BAIAP2L1: variants seen among roughly 807,000 people sequenced by gnomAD.
The protein encoded by BAIAP2L1 is BAR/IMD domain containing adaptor protein 2 like 1.
BAIAP2L1 carries 35 observed loss-of-function variants against 66.3 expected under a neutral mutation model. The ratio of observed to expected loss-of-function variants is 0.53; its 90% confidence interval spans 0.40 to 0.70. The LOEUF is 0.70. Among genes scored for constraint, BAIAP2L1 ranks in the 30% least tolerant of loss-of-function variants. BAIAP2L1 has a pLI of 0.00. For synonymous variants in BAIAP2L1, 269 were observed against 248.7 expected (o/e 1.08, Z -0.77); for missense variants, 622 against 656.9 (o/e 0.95, Z 0.58).
At chr7:98,365,834 A>ATCT (rs1802378752) in intron 1 of BAIAP2L1, among the ~76,000 whole-genome samples, 1 of 152,154 alleles carries the variant, frequency 6.6e-6, no homozygotes, top group Admixed American at 6.6e-5. Context: ...TAGATGCAGT[A>ATCT]TCTTCTCCTG....
chr7:98,392,557 A>G (rs1352490849), intron 1 of BAIAP2L1, among the ~76,000 whole-genome samples: 1 of 152,148 alleles, frequency 6.6e-6, no homozygotes, highest in Non-Finnish European at 1.5e-5. Context: ...AGATCTGTGC[A>G]AAGCTTTGAC....
intron 12 of BAIAP2L1, among the ~76,000 whole-genome samples, chr7:98,300,235 C>T (rs1032758061): frequency 3.0e-5 from 4 of 134,020 alleles, no homozygotes; most frequent in African/African-American, 1.1e-4. Context: ...GGCTGTGAGG[C>T]CAGGAGGCCC....
chr7:98,334,266 CA>C (rs1801563935), intron 3 of BAIAP2L1, among the ~76,000 whole-genome samples: 1 of 152,150 alleles, frequency 6.6e-6, no homozygotes, highest in Non-Finnish European at 1.5e-5. Context: ...CTGAGTCACA[CA>C]GATCAGCATC....
At position 98,376,489 on chromosome 7, in the gene BAIAP2L1, C is replaced by A. The variant is rs1802633379; in HGVS notation, c.52-14057G>T. Among the ~76,000 whole-genome samples the A allele has an allele frequency of 2.0e-5, 3 of 151,650 alleles. No homozygotes were observed. In the South Asian group the frequency reaches 6.2e-4, roughly 32 times the overall value. On this transcript the variant is annotated intron_variant, in intron 1 of 13. Coordinates refer to ENST00000005260, the MANE Select transcript of BAIAP2L1 (RefSeq NM_018842.5). ...TCACACAACCATACTCCAACCTGAGCAAGGCAGAGGGAGACCTTGTCTCAA... is the reference window on the plus strand; with the variant it reads ...TCACACAACCATACTCCAACCTGAGAAAGGCAGAGGGAGACCTTGTCTCAA...
intron 1 of BAIAP2L1, among the ~76,000 whole-genome samples, chr7:98,379,030 C>T (rs1227681519): frequency 1.3e-5 from 2 of 151,998 alleles, no homozygotes; most frequent in South Asian, 2.1e-4. Flanking sequence ...TGGGTTTCAC[C>T]GTGTTAGCCA....
intron 9 of BAIAP2L1, chr7:98,308,217 T>A: frequency 1.9e-6 from 1 of 528,212 alleles, no homozygotes; most frequent in South Asian, 1.5e-5. Flanking sequence ...TGGCTCTTCT[T>A]AGAGAGACAA....
intron 1 of BAIAP2L1, among the ~76,000 whole-genome samples, chr7:98,396,327 C>T (rs992721191): frequency 6.6e-6 from 1 of 152,134 alleles, no homozygotes; most frequent in Non-Finnish European, 1.5e-5. Context: ...TCTTGACCCC[C>T]CAAAGTGCTG....
chr7:98,346,480 A>G (rs1801875573), intron 3 of BAIAP2L1, among the ~76,000 whole-genome samples: 2 of 152,218 alleles, frequency 1.3e-5, no homozygotes, highest in Admixed American at 1.3e-4. Context: ...TCCAATCAAA[A>G]TTCCAAGTGA....
Position 98,292,675 on chromosome 7 carries a change from G to C in BAIAP2L1, c.*846C>G, listed in dbSNP as rs746742760. On this transcript the variant is annotated 3_prime_UTR_variant, in exon 14 of 14. Coordinates refer to ENST00000005260, the MANE Select transcript of BAIAP2L1 (RefSeq NM_018842.5). ...CATCCTGGCTTTACACGTATCCTTT[G>C]AGAGTCTGTACCTGATTCAAACACG... 6.4e-7 allele frequency: 1 copy of C among 1,550,946 alleles called. No individual in the cohort carries two copies. Among genetic ancestry groups the C allele is most frequent in the South Asian group, 1.2e-5 (1 of 84,048 alleles).
intron 1 of BAIAP2L1, among the ~76,000 whole-genome samples, chr7:98,377,247 C>T (rs143163786): frequency 3.9e-5 from 6 of 152,174 alleles, no homozygotes; most frequent in East Asian, 1.9e-4. Flanking sequence ...ACATGGCTTA[C>T]GAGCTTCTGC....
intron 3 of BAIAP2L1, among the ~76,000 whole-genome samples, chr7:98,346,232 CA>C (rs2115656253): frequency 1.3e-5 from 2 of 152,136 alleles, no homozygotes; most frequent in African/African-American, 4.8e-5. Flanking sequence ...CTAAACAATT[CA>C]ATGGAACCAG....
Position 98,292,542 on chromosome 7 carries a change from G to A in BAIAP2L1, c.*979C>T. Reference sequence around the variant, plus strand: ...AGCCAAAGATGATTTCCAGCCCCGGGCTCAGGGCAGCCAGTGCGTAGTCCT... The same window carrying A: ...AGCCAAAGATGATTTCCAGCCCCGGACTCAGGGCAGCCAGTGCGTAGTCCT... On this transcript the variant is annotated 3_prime_UTR_variant, in exon 14 of 14. Coordinates refer to ENST00000005260, the MANE Select transcript of BAIAP2L1 (RefSeq NM_018842.5). 1 of 1,193,270 alleles carries A rather than the reference G, an allele frequency of 8.4e-7. No homozygotes were observed. 73.9% of individuals were successfully genotyped at this position (1,193,270 alleles called of 1,614,324 possible).
intron 3 of BAIAP2L1, among the ~76,000 whole-genome samples, chr7:98,334,273 G>T (rs1237872946): frequency 6.6e-6 from 1 of 152,132 alleles, no homozygotes; most frequent in African/African-American, 2.4e-5. Flanking sequence ...ACACAGATCA[G>T]CATCAGTGCA....
rs777859822 is a variant in BAIAP2L1 at position 98,312,106 on chromosome 7, T to C, written c.798A>G (p.Arg266=). The C allele has an allele frequency of 3.1e-6, 5 of 1,598,610 alleles. No individual in the cohort carries two copies. The South Asian group carries it at 5.7e-5, about 18-fold the overall frequency. The change falls in exon 8 of 14, where the codon AGA becomes AGG. Residue 266 remains arginine (R), a synonymous_variant. Transcript: ENST00000005260. ...GTPQASPMIE[R]SNVVRKDYDT... ...GAAAACTGGCTCCTACCACATTGCT[T>C]CTCTCGATCATGGGTGAAGCCTGAG... is the stretch of plus-strand genomic sequence containing the variant.
At chr7:98,308,668 A>G (rs944351191) in intron 9 of BAIAP2L1, 5 of 230,900 alleles carry the variant, frequency 2.2e-5, no homozygotes, top group African/African-American at 1.1e-4. Context: ...GTAGAAAAAA[A>G]TATATATATA....
chr7:98,389,313 G>A (rs561123244), intron 1 of BAIAP2L1, among the ~76,000 whole-genome samples: 34 of 151,926 alleles, frequency 2.2e-4, no homozygotes, highest in South Asian at 6.3e-4. Context: ...ACATTTGTTC[G>A]AGGCCTTATT....
chr7:98,336,696 T>A (rs779244222), intron 3 of BAIAP2L1, among the ~76,000 whole-genome samples: 1 of 152,274 alleles, frequency 6.6e-6, no homozygotes, highest in African/African-American at 2.4e-5. Context: ...ACTGCTTTCA[T>A]GATTTGCTCC....
At chr7:98,380,104 CT>C (rs1435792853) in intron 1 of BAIAP2L1, among the ~76,000 whole-genome samples, 1 of 147,854 alleles carries the variant, frequency 6.8e-6, no homozygotes, top group Non-Finnish European at 1.5e-5. Context: ...GAGATAGGGA[CT>C]CTCACTCTGT....
At chr7:98,336,820 C>T (rs1203960783) in intron 3 of BAIAP2L1, among the ~76,000 whole-genome samples, 1 of 152,020 alleles carries the variant, frequency 6.6e-6, no homozygotes, top group African/African-American at 2.4e-5. Flanking sequence ...CTGGAAAGGC[C>T]TAAGGTTGAG....
Sources: gnomAD v4.1 joint callset for allele counts (sites outside exome capture counted in the v4.1 genomes callset) on GRCh38, gnomAD v4.1.1 for gene constraint, MANE v1.5 for transcripts, NCBI Gene and HGNC (gene_info 2026-07-23, HGNC 2026-07-21) for gene names.